The following RTN3 variants were observed in gnomAD, a reference collection of about 807,000 sequenced individuals.
RTN3 encodes the protein reticulon 3.
RTN3 carries 49 observed loss-of-function variants against 77.8 expected under a neutral mutation model. The ratio of observed to expected loss-of-function variants is 0.63; its 90% CI spans 0.50 to 0.80. RTN3 has a LOEUF of 0.80. RTN3 is among the 30% of genes least tolerant of loss of function. The pLI, the probability that RTN3 is intolerant of heterozygous loss-of-function variation, is 0.00. For missense variants in RTN3, 1,236 were observed against 1,211.9 expected, an observed-to-expected ratio of 1.02 and a Z score of -0.29; for synonymous variants, 464 against 446.9, an observed-to-expected ratio of 1.04 and a Z score of -0.48.
At chr11:63,692,348 A>T (rs1469759146) in intron 1 of RTN3, among the ~76,000 whole-genome samples, 1 of 151,872 alleles carries the variant, frequency 6.6e-6, no homozygotes, top group East Asian at 1.9e-4. Context: ...ACCAGAAATA[A>T]CCCTCTACCT....
At chr11:63,692,058 T>C (rs1347848127) in intron 1 of RTN3, among the ~76,000 whole-genome samples, 1 of 152,176 alleles carries the variant, frequency 6.6e-6, no homozygotes, top group East Asian at 1.9e-4. Context: ...TGTCTCACTC[T>C]GTTGCCCAGG....
intron 2 of RTN3, among the ~76,000 whole-genome samples, chr11:63,711,795 C>A (rs1325175149): frequency 6.6e-6 from 1 of 152,300 alleles, no homozygotes; most frequent in Admixed American, 6.5e-5. Context: ...AGATCCCAAC[C>A]TCAGGTGATC....
chr11:63,711,552 G>C (rs1015904077), intron 2 of RTN3, among the ~76,000 whole-genome samples: 4 of 151,778 alleles, frequency 2.6e-5, no homozygotes, highest in Non-Finnish European at 5.9e-5. Flanking sequence ...ACCACACCAA[G>C]CTAATTTAAA....
chr11:63,757,381 C>T (rs1227380476), intron 8 of RTN3, among the ~76,000 whole-genome samples: 1 of 151,764 alleles, frequency 6.6e-6, no homozygotes, highest in African/African-American at 2.4e-5. Flanking sequence ...GACAGGGTCT[C>T]ACTCTGTCAC....
chr11:63,722,759 C>T (rs771855352), intron 3 of RTN3, among the ~76,000 whole-genome samples: 15 of 152,184 alleles, frequency 9.9e-5, no homozygotes, highest in Non-Finnish European at 1.6e-4. Flanking sequence ...AAGTAACTTA[C>T]ATAACCTTTC....
intron 1 of RTN3, among the ~76,000 whole-genome samples, chr11:63,690,085 C>T (rs996220193): frequency 6.6e-6 from 1 of 152,132 alleles, no homozygotes; most frequent in Non-Finnish European, 1.5e-5. Context: ...TACCTGTTTT[C>T]TCCAATCAAC....
At chr11:63,738,501 G>T (rs1190670057) in intron 3 of RTN3, among the ~76,000 whole-genome samples, 1 of 151,940 alleles carries the variant, frequency 6.6e-6, no homozygotes, top group Non-Finnish European at 1.5e-5. Context: ...AATTAGCCAG[G>T]CATGGTGGCA....
At position 63,719,710 on chromosome 11, in the gene RTN3, G is replaced by A; in HGVS notation, c.1208G>A (p.Gly403Asp). 3 of 1,614,092 alleles carry A rather than the reference G, an allele frequency of 1.9e-6. No individual in the cohort carries two copies. The Middle Eastern group carries it at 4.9e-4, about 266-fold the overall frequency. ...DGSTPITKST[G>D]DWAEASLQQE... is the part of the protein sequence containing the mutation. ...AGCACTCCCATCACTAAATCAACAGGTGATTGGGCAGAAGCATCTCTCCAG... is the reference window on the plus strand; with the variant it reads ...AGCACTCCCATCACTAAATCAACAGATGATTGGGCAGAAGCATCTCTCCAG... The change falls in exon 3 of 9, where the codon GGT (glycine) becomes GAT (aspartate). Residue 403 changes from glycine to aspartate, a missense_variant. Physicochemically the swap from Gly to Asp is moderately conservative, Grantham distance 94. Coordinates refer to ENST00000377819, the MANE Select transcript of RTN3 (RefSeq NM_001265589.2).
intron 1 of RTN3, among the ~76,000 whole-genome samples, chr11:63,703,332 G>A (rs763371000): frequency 2.6e-5 from 4 of 151,998 alleles, no homozygotes; most frequent in Admixed American, 2.6e-4. Flanking sequence ...CAGATACCAA[G>A]GTATAGCTGT....
At chr11:63,686,363 C>T (rs1009253011) in intron 1 of RTN3, among the ~76,000 whole-genome samples, 8 of 150,030 alleles carry the variant, frequency 5.3e-5, no homozygotes, top group East Asian at 2.0e-4. Context: ...CCCAGCTACT[C>T]GGGAGGCTGA....
intron 1 of RTN3, among the ~76,000 whole-genome samples, chr11:63,698,417 C>T (rs1565305741): frequency 6.6e-6 from 1 of 152,184 alleles, no homozygotes; most frequent in Non-Finnish European, 1.5e-5. Context: ...TCAGCTACTG[C>T]GTCTGATTGT....
intron 3 of RTN3, among the ~76,000 whole-genome samples, chr11:63,726,942 T>A (rs1397990027): frequency 6.7e-6 from 1 of 149,136 alleles, no homozygotes; most frequent in Non-Finnish European, 1.5e-5. Flanking sequence ...GTAATCCCAG[T>A]ACTTCAGGAG....
chr11:63,681,480 T>G (rs1287491105), upstream of RTN3: 7 of 740,616 alleles, frequency 9.5e-6, no homozygotes, highest in Non-Finnish European at 1.4e-5. Context: ...GCCCTCTAGC[T>G]GCGCTCGGCT....
At chr11:63,725,560 C>T (rs927659345) in intron 3 of RTN3, among the ~76,000 whole-genome samples, 22 of 152,026 alleles carry the variant, frequency 1.4e-4, no homozygotes, top group African/African-American at 4.8e-4. Flanking sequence ...GCCATTCTCC[C>T]GCCTCAGCCT....
In RTN3 at chr11:63,720,472, C is replaced by A; in HGVS notation, c.1970C>A (p.Ala657Asp). 6.2e-7 allele frequency: 1 copy of A among 1,613,142 alleles called. No homozygotes were observed. The highest frequency in any genetic ancestry group is 2.2e-5 in the East Asian group (1 of 44,870). ...DDSSPEDLIA[A>D]FTETRDKGIV... ...TCCTCCCCAGAGGACCTGATAGCAG[C>A]CTTTACAGAAACCAGAGATAAAGGA... is the stretch of plus-strand genomic sequence containing the variant. The change falls in exon 3 of 9, where the codon GCC becomes GAC. Residue 657 changes from alanine to aspartate, a missense_variant. Ala to Asp is a moderately radical substitution (Grantham distance 126, BLOSUM62 -2). Coordinates refer to ENST00000377819, the MANE Select transcript of RTN3 (RefSeq NM_001265589.2).
At chr11:63,714,225 T>A (rs1018311906) in intron 2 of RTN3, 3 of 356,284 alleles carry the variant, frequency 8.4e-6, no homozygotes, top group African/African-American at 2.1e-5. Flanking sequence ...CTAAACAAAA[T>A]AATTAAAGTT....
intron 1 of RTN3, among the ~76,000 whole-genome samples, chr11:63,683,972 T>TTTTTTTTTA (rs1375625604): frequency 1.5e-5 from 2 of 136,112 alleles, no homozygotes; most frequent in Middle Eastern, 3.7e-3. Flanking sequence ...TTTTTTTTTT[T>TTTTTTTTTA]AGACAAGGTC....
intron 3 of RTN3, among the ~76,000 whole-genome samples, chr11:63,734,388 A>G (rs1254882609): frequency 6.6e-6 from 1 of 151,424 alleles, no homozygotes; most frequent in Non-Finnish European, 1.5e-5. Flanking sequence ...CAAAGGTTGC[A>G]GTGAGCCGAG....
At chr11:63,746,636 T>A (rs935073644) in intron 3 of RTN3, among the ~76,000 whole-genome samples, 4 of 151,912 alleles carry the variant, frequency 2.6e-5, no homozygotes, top group Non-Finnish European at 5.9e-5. Context: ...TGCCTCAGCC[T>A]CCTGAGTAGC....
Sources: allele counts gnomAD v4.1 joint callset (sites outside exome capture counted in the v4.1 genomes callset), GRCh38; gene constraint gnomAD v4.1.1; transcripts MANE v1.5; gene names NCBI Gene and HGNC (gene_info 2026-07-23, HGNC 2026-07-21).